Variants in LPP observed in about 807,000 individuals in gnomAD.
LPP encodes the protein lipoma-preferred partner.
Under a neutral mutation model 60.4 loss-of-function variants are expected in LPP, and 38 were observed. The ratio of observed to expected loss-of-function variants is 0.63; its 90% confidence interval spans 0.49 to 0.83. The LOEUF (loss-of-function observed/expected upper bound fraction) is 0.83. Ranked by LOEUF, LPP falls within the 40% of genes least tolerant of loss-of-function variation. The pLI, the probability that LPP is intolerant of heterozygous loss-of-function variation, is 0.00. For synonymous variants in LPP, 328 were observed against 290.8 expected (o/e 1.13, Z -1.30); for missense variants, 902 against 783.6 (o/e 1.15, Z -1.80).
At chr3:188,398,891 G>T (rs998988852) in intron 3 of LPP, among the ~76,000 whole-genome samples, 8 of 152,244 alleles carry the variant, frequency 5.3e-5, no homozygotes, top group African/African-American at 1.7e-4. Flanking sequence ...GGATAGAAGA[G>T]TCAGGGAAAC....
In LPP at chr3:188,785,551, C is replaced by T. The variant is rs372438538; in HGVS notation, c.1410+25269C>T. 7.0e-4 allele frequency among the ~76,000 whole-genome samples: 79 copies of T among 113,242 alleles called. 1 individual carries two copies. Among genetic ancestry groups the T allele is most frequent in the South Asian group, 3.1e-3 (10 of 3,254 alleles). 74.3% of individuals were successfully genotyped at this position (113,242 alleles called of 152,430 possible). ...ATATTCCATCATATATATATATACA[C>T]ACACACACACACACACACACACATA... On this transcript the variant is annotated intron_variant, in intron 9 of 11. Coordinates refer to ENST00000617246, the MANE Select transcript of LPP (RefSeq NM_001375462.1).
chr3:188,507,839 C>A (rs1173969294), intron 5 of LPP, among the ~76,000 whole-genome samples: 2 of 152,190 alleles, frequency 1.3e-5, no homozygotes, highest in African/African-American at 4.8e-5. Context: ...GTTCCTTTTG[C>A]TTCAGTTTCT....
At chr3:188,525,523 G>A (rs1458887601) in intron 6 of LPP, among the ~76,000 whole-genome samples, 1 of 152,158 alleles carries the variant, frequency 6.6e-6, no homozygotes, top group African/African-American at 2.4e-5. Flanking sequence ...ACTTAGCTTG[G>A]CTATGTAAGG....
At chr3:188,325,715 A>G (rs1357775946) in intron 2 of LPP, among the ~76,000 whole-genome samples, 1 of 152,154 alleles carries the variant, frequency 6.6e-6, no homozygotes, top group Non-Finnish European at 1.5e-5. Context: ...TAGATCATTT[A>G]TTTGGATTAT....
chr3:188,589,112 G>C (rs1434323390), intron 6 of LPP, among the ~76,000 whole-genome samples: 1 of 151,788 alleles, frequency 6.6e-6, no homozygotes, highest in Non-Finnish European at 1.5e-5. Flanking sequence ...AGGGGAGAGG[G>C]TGTTTTTTTA....
chr3:188,797,846 T>C (rs1041723514), intron 9 of LPP, among the ~76,000 whole-genome samples: 1 of 152,208 alleles, frequency 6.6e-6, no homozygotes, highest in Non-Finnish European at 1.5e-5. Context: ...CTTTTCTTTC[T>C]ATTTGTGTTT....
chr3:188,406,060 A>G, intron 3 of LPP, 52 bp from the exon 4 acceptor site: 1 of 1,471,902 alleles, frequency 6.8e-7, no homozygotes, highest in Non-Finnish European at 9.4e-7. Flanking sequence ...AATGAGGAGT[A>G]TTGTCTTCGT....
At chr3:188,465,628 A>G (rs1800193735) in intron 4 of LPP, among the ~76,000 whole-genome samples, 1 of 152,188 alleles carries the variant, frequency 6.6e-6, no homozygotes, top group African/African-American at 2.4e-5. Context: ...AGTTTTGTCT[A>G]AGTAATATAA....
intron 6 of LPP, among the ~76,000 whole-genome samples, chr3:188,581,802 G>A (rs1836225511): frequency 6.6e-6 from 1 of 152,204 alleles, no homozygotes; most frequent in Admixed American, 6.5e-5. Flanking sequence ...TCTCATTCAG[G>A]TAACTCCTAT....
intron 9 of LPP, among the ~76,000 whole-genome samples, chr3:188,810,995 A>C (rs986144494): frequency 6.6e-6 from 1 of 152,160 alleles, no homozygotes; most frequent in Non-Finnish European, 1.5e-5. Flanking sequence ...TTTGGTGTAC[A>C]TATATAAAAT....
intron 9 of LPP, among the ~76,000 whole-genome samples, chr3:188,808,745 C>T (rs1749961032): frequency 6.6e-6 from 1 of 151,986 alleles, no homozygotes; most frequent in Non-Finnish European, 1.5e-5. Context: ...ATATGTGTGC[C>T]CTGGCGGTTT....
At position 188,876,449 on chromosome 3, in the gene LPP, T is replaced by A; in HGVS notation, c.*1970T>A. 1 of 195,892 alleles carries A rather than the reference T, an allele frequency of 5.1e-6. No homozygotes were observed. Among genetic ancestry groups the A allele is most frequent in the Non-Finnish European group, 1.1e-5 (1 of 94,186 alleles). 12.1% of individuals were successfully genotyped at this position (195,892 alleles called of 1,614,324 possible). A position where few individuals can be genotyped will look rare whatever the true frequency, so the allele number is the denominator to read the frequency against. On this transcript the variant is annotated 3_prime_UTR_variant, in exon 12 of 12. Coordinates refer to ENST00000617246, the MANE Select transcript of LPP (RefSeq NM_001375462.1). ...AGTTCTCTTATCTTTGATCGTATAT[T>A]TCTCATAATGTGAAATATGATGAGA...
intron 6 of LPP, among the ~76,000 whole-genome samples, chr3:188,595,196 A>G (rs966083677): frequency 2.7e-5 from 4 of 149,284 alleles, no homozygotes; most frequent in Non-Finnish European, 6.0e-5. Flanking sequence ...GAAACCCAAG[A>G]AACAATATAA....
At chr3:188,821,453 T>C (rs773814279) in intron 9 of LPP, among the ~76,000 whole-genome samples, 25 of 151,710 alleles carry the variant, frequency 1.6e-4, no homozygotes, top group Admixed American at 7.2e-4. Flanking sequence ...TCATCATTTT[T>C]ACAGAAACAC....
At chr3:188,711,097 A>G (rs1380801516) in intron 8 of LPP, 3 of 152,218 alleles carry the variant, frequency 2.0e-5, no homozygotes, top group Admixed American at 2.0e-4. Flanking sequence ...TATTTAAGAC[A>G]TAAGATATGC....
intron 3 of LPP, among the ~76,000 whole-genome samples, chr3:188,367,022 G>A (rs949654082): frequency 2.0e-5 from 3 of 151,720 alleles, no homozygotes; most frequent in South Asian, 2.1e-4. Context: ...TCAGCCTCCC[G>A]AATAGGTGGG....
At chr3:188,869,753 A>G (rs1244749280) in intron 10 of LPP, among the ~76,000 whole-genome samples, 1 of 152,214 alleles carries the variant, frequency 6.6e-6, no homozygotes, top group Non-Finnish European at 1.5e-5. Context: ...TTGTGTAACA[A>G]GGTTCTGGAA....
intron 5 of LPP, among the ~76,000 whole-genome samples, chr3:188,490,006 GA>G (rs1807840607): frequency 6.6e-6 from 1 of 152,148 alleles, no homozygotes; most frequent in Non-Finnish European, 1.5e-5. Context: ...CTCCACATTA[GA>G]AAACAGAGGG....
chr3:188,711,014 G>A (rs975815568), intron 8 of LPP: 2 of 152,148 alleles, frequency 1.3e-5, no homozygotes, highest in Non-Finnish European at 2.9e-5. Flanking sequence ...AAAGCACTTA[G>A]CCAAGTTCTT....
Sources: allele counts gnomAD v4.1 joint callset (sites outside exome capture counted in the v4.1 genomes callset), GRCh38; gene constraint gnomAD v4.1.1; transcripts MANE v1.5; gene names NCBI Gene and HGNC (gene_info 2026-07-23, HGNC 2026-07-21).